The following MAST4 variants were observed in gnomAD, a reference collection of about 807,000 sequenced individuals.
MAST4 encodes microtubule associated serine/threonine kinase family member 4, also known as microtubule-associated serine/threonine-protein kinase 4.
In MAST4, 89 loss-of-function variants were observed where a neutral mutation model predicts 162.7. The observed-to-expected ratio is 0.55, with a 90% confidence interval of 0.46 to 0.65. The LOEUF is 0.65. MAST4 is among the 30% of genes least tolerant of loss of function. The pLI is 0.00. For synonymous variants in MAST4, 1,479 were observed against 1,361.1 expected (o/e 1.09, Z -1.91); for missense variants, 3,153 against 3,374.0 (o/e 0.93, Z 1.62).
Position 67,066,491 on chromosome 5 carries a change from A to G in MAST4, c.763+11999A>G, listed in dbSNP as rs531771851. Among the ~76,000 whole-genome samples, 9 of 151,844 alleles carry G rather than the reference A, an allele frequency of 5.9e-5. No individual in the cohort carries two copies. The East Asian group carries it at 1.2e-3, about 20-fold the overall frequency. The stretch of plus-strand genomic sequence containing the variant: ...TGATCATAAATATAATTTTATGTCT[A>G]TATCATTTTCTTTTAGCATTATGTT... On this transcript the variant is annotated intron_variant, in intron 5 of 28. Coordinates refer to ENST00000403625, the MANE Select transcript of MAST4 (RefSeq NM_001164664.2).
chr5:66,837,023 CATGTGTGT>C (rs1401026599), intron 3 of MAST4, among the ~76,000 whole-genome samples: 16 of 144,772 alleles, frequency 1.1e-4, no homozygotes, highest in Middle Eastern at 3.5e-3. Flanking sequence ...CATGCAGGAT[CATGTGTGT>C]GTGTGTGTGT....
intron 3 of MAST4, among the ~76,000 whole-genome samples, chr5:66,854,610 G>A (rs1248369584): frequency 6.6e-6 from 1 of 152,094 alleles, no homozygotes; most frequent in East Asian, 1.9e-4. Context: ...GAGCATGGGA[G>A]AGGGCAAGAG....
At chr5:66,846,999 C>A (rs904660769) in intron 3 of MAST4, among the ~76,000 whole-genome samples, 1 of 152,070 alleles carries the variant, frequency 6.6e-6, no homozygotes, top group South Asian at 2.1e-4. Context: ...CTTTATCAGC[C>A]CCCTTTTTTC....
At chr5:66,803,195 T>A (rs907776377) in intron 3 of MAST4, among the ~76,000 whole-genome samples, 1 of 152,188 alleles carries the variant, frequency 6.6e-6, no homozygotes, top group Non-Finnish European at 1.5e-5. Flanking sequence ...GTATTGGGTG[T>A]ATTTCTCTAT....
intron 3 of MAST4, among the ~76,000 whole-genome samples, chr5:66,867,433 G>C (rs1760611898): frequency 6.6e-6 from 1 of 152,130 alleles, no homozygotes; most frequent in Non-Finnish European, 1.5e-5. Flanking sequence ...AATGTTAGGG[G>C]AACAATAATT....
intron 5 of MAST4, among the ~76,000 whole-genome samples, chr5:67,085,442 C>G (rs917368709): frequency 2.6e-5 from 4 of 152,176 alleles, no homozygotes; most frequent in Non-Finnish European, 4.4e-5. Context: ...TGTTATCCCT[C>G]TCTATAGAGT....
chr5:66,838,690 T>G (rs996249985), intron 3 of MAST4, among the ~76,000 whole-genome samples: 2 of 152,082 alleles, frequency 1.3e-5, no homozygotes, highest in African/African-American at 4.8e-5. Flanking sequence ...TGCCGGATGG[T>G]GAAGGATGAA....
chr5:66,975,089 A>G (rs1396326578), intron 4 of MAST4, among the ~76,000 whole-genome samples: 1 of 152,164 alleles, frequency 6.6e-6, no homozygotes, highest in Non-Finnish European at 1.5e-5. Flanking sequence ...TTCAATCATA[A>G]GTGCCCTTGT....
intron 3 of MAST4, among the ~76,000 whole-genome samples, chr5:66,845,126 T>TATATATATATATACAC (rs1358855625): frequency 3.1e-4 from 21 of 67,170 alleles, no homozygotes; most frequent in African/African-American, 5.6e-4. Flanking sequence ...TATATATATA[T>TATATATATATATACAC]ACACACACAC....
intron 4 of MAST4, among the ~76,000 whole-genome samples, chr5:66,903,468 G>T (rs917447312): frequency 1.3e-5 from 2 of 148,350 alleles, no homozygotes; most frequent in Non-Finnish European, 3.0e-5. Context: ...GTGTGTGTGT[G>T]TATTTGGTTA....
chr5:67,156,089 G>A (rs1421025637), intron 26 of MAST4, among the ~76,000 whole-genome samples: 6 of 151,408 alleles, frequency 4.0e-5, no homozygotes, highest in Non-Finnish European at 8.8e-5. Context: ...GACACGTAAG[G>A]ATAATAGTTA....
chr5:67,083,231 C>G (rs1419088173), intron 5 of MAST4, among the ~76,000 whole-genome samples: 1 of 152,078 alleles, frequency 6.6e-6, no homozygotes, highest in Non-Finnish European at 1.5e-5. Flanking sequence ...ACTTCTGAAG[C>G]TAGAAATTGA....
chr5:66,597,560 C>T (rs1408783802), intron 1 of MAST4, among the ~76,000 whole-genome samples: 4 of 152,142 alleles, frequency 2.6e-5, no homozygotes, highest in African/African-American at 9.7e-5. Flanking sequence ...CCCGCAGCGT[C>T]GGTCCTCTGG....
At chr5:66,811,485 T>C (rs1006392801) in intron 3 of MAST4, among the ~76,000 whole-genome samples, 4 of 152,236 alleles carry the variant, frequency 2.6e-5, no homozygotes, top group African/African-American at 7.2e-5. Flanking sequence ...TCTTGGTCTC[T>C]CTACCCAGCC....
chr5:66,880,447 G>A (rs928951335), intron 3 of MAST4, among the ~76,000 whole-genome samples: 1 of 152,122 alleles, frequency 6.6e-6, no homozygotes, highest in Non-Finnish European at 1.5e-5. Flanking sequence ...CAAAAAAAGT[G>A]GGTTTTTTTA....
intron 4 of MAST4, among the ~76,000 whole-genome samples, chr5:66,905,137 G>A (rs1178622411): frequency 6.6e-6 from 1 of 151,900 alleles, no homozygotes; most frequent in East Asian, 1.9e-4. Context: ...AAAACCCCAT[G>A]TCTACTGAAA....
chr5:67,046,065 C>G (rs1355486473), intron 4 of MAST4, among the ~76,000 whole-genome samples: 1 of 152,062 alleles, frequency 6.6e-6, no homozygotes, highest in African/African-American at 2.4e-5. Context: ...GCAGTTGCCT[C>G]CAGTGTTCAG....
intron 3 of MAST4, among the ~76,000 whole-genome samples, chr5:66,822,352 G>A (rs1757035935): frequency 6.6e-6 from 1 of 152,166 alleles, no homozygotes. Context: ...TCCAGAAAAA[G>A]CATCAGACTA....
At chr5:66,927,129 C>G (rs1764962910) in intron 4 of MAST4, among the ~76,000 whole-genome samples, 1 of 152,154 alleles carries the variant, frequency 6.6e-6, no homozygotes, top group Non-Finnish European at 1.5e-5. Context: ...TCTTCTCCAG[C>G]TTTTTAGCCT....
Sources: gnomAD v4.1 joint callset for allele counts (sites outside exome capture counted in the v4.1 genomes callset) on GRCh38, gnomAD v4.1.1 for gene constraint, MANE v1.5 for transcripts, NCBI Gene and HGNC (gene_info 2026-07-23, HGNC 2026-07-21) for gene names.